OTULIN: variants seen among roughly 807,000 people sequenced by gnomAD.
The protein encoded by OTULIN is ubiquitin thioesterase otulin.
A neutral mutation model predicts 39.6 loss-of-function variants in OTULIN; 15 were observed. That is an observed-to-expected ratio of 0.38 (90% CI 0.25 to 0.58). The LOEUF (loss-of-function observed/expected upper bound fraction) is 0.58. OTULIN is among the 20% of genes least tolerant of loss of function. The pLI is 0.66. For synonymous variants in OTULIN, 156 were observed against 170.3 expected, an observed-to-expected ratio of 0.92 and a Z score of 0.65; for missense variants, 319 against 445.9, an observed-to-expected ratio of 0.72 and a Z score of 2.56.
In OTULIN at chr5:14,664,745, G is replaced by A; in HGVS notation, c.-81G>A. ...AAACCGCCCCGGCGGCTGAGAGGCTGCGGCCACTGCCTGGCACCCCGACGG... is the reference window on the plus strand; with the variant it reads ...AAACCGCCCCGGCGGCTGAGAGGCTACGGCCACTGCCTGGCACCCCGACGG... On this transcript the variant is annotated 5_prime_UTR_variant, in exon 1 of 7. Coordinates refer to ENST00000284274, the MANE Select transcript of OTULIN (RefSeq NM_138348.6). 1.8e-6 allele frequency: 2 copies of A among 1,084,952 alleles called. No homozygotes were observed. The highest frequency in any genetic ancestry group is 2.2e-6 in the Non-Finnish European group (2 of 892,684). The allele number at this position is 1,084,952 out of a possible 1,614,324, so 67.2% of individuals were successfully genotyped here.
At chr5:14,679,100 A>T (rs1736179916) in intron 3 of OTULIN, among the ~76,000 whole-genome samples, 1 of 152,192 alleles carries the variant, frequency 6.6e-6, no homozygotes, top group Admixed American at 6.5e-5. Flanking sequence ...GTGTTATAAA[A>T]TAAAAGCCTC....
rs1394293686 is a variant in OTULIN at position 14,697,217 on chromosome 5, G to T, written c.*4169G>T. The T allele has an allele frequency of 1.3e-5, 2 of 152,210 alleles. No individual in the cohort carries two copies. The highest frequency in any genetic ancestry group is 4.8e-5 in the African/African-American group (2 of 41,424). The allele number at this position is 152,210 out of a possible 1,614,324, so 9.4% of individuals were successfully genotyped here. On this transcript the variant is annotated 3_prime_UTR_variant, in exon 7 of 7. Transcript: ENST00000284274. ...TTTTGAGATGGGGTCTTGCTCTGTT[G>T]CCCAGGCTGGAGTGCAGTGGTGCGA...
At chr5:14,713,538 A>G in the OTULIN span, 4,490 of 1,614,066 alleles carry the variant, frequency 2.8e-3, 114 homozygotes, top group African/African-American at 0.053. The surrounding 1 kb of genome is among the most constrained non-coding windows in gnomAD (Gnocchi z 4.4). Flanking sequence ...CTCCCTGACA[A>G]CATACCCCAG....
rs541509494 is a variant in OTULIN, at chr5:14,696,875, T to A, written c.*3827T>A. On this transcript the variant is annotated 3_prime_UTR_variant, in exon 7 of 7. Transcript: ENST00000284274. ...TTGAACAGAACAGTGGTTTAGTGAATGTGTGAGGAAAGACATGGGCAACTG... is the reference window on the plus strand; with the variant it reads ...TTGAACAGAACAGTGGTTTAGTGAAAGTGTGAGGAAAGACATGGGCAACTG... 6.6e-6 allele frequency: 1 copy of A among 152,334 alleles called. No individual in the cohort carries two copies. Among genetic ancestry groups the A allele is most frequent in the South Asian group, 2.1e-4 (1 of 4,832 alleles). The allele number at this position is 152,334 out of a possible 1,614,324, so 9.4% of individuals were successfully genotyped here. A position where few individuals can be genotyped will look rare whatever the true frequency, so the allele number is the denominator to read the frequency against.
Position 14,682,281 on chromosome 5 carries a change from A to G in OTULIN, c.468+674A>G, listed in dbSNP as rs368722588. On this transcript the variant is annotated intron_variant, in intron 4 of 6. Transcript: ENST00000284274. ...GTCAGAGACAGCAATATACCCATAT[A>G]ACAAATCTGCACATGTACCTTCTGT... Among the ~76,000 whole-genome samples, 26 of 152,222 alleles carry G rather than the reference A, an allele frequency of 1.7e-4. 1 individual carries two copies. The East Asian group carries it at 2.1e-3, about 12-fold the overall frequency.
At chr5:14,672,373 A>T (rs1326531418) in intron 1 of OTULIN, among the ~76,000 whole-genome samples, 9 of 151,714 alleles carry the variant, frequency 5.9e-5, no homozygotes, top group Admixed American at 3.3e-4. Context: ...CCCTCCCAGT[A>T]CCCCTTCTTC....
rs2126808565 is a variant in OTULIN at position 14,664,778 on chromosome 5, T to C, written c.-48T>C. ...TGCCTGGCACCCCGACGGGAGGGGCTCCGGATCGTTCGGAGCCGGCTGAAC... is the reference window on the plus strand; with the variant it reads ...TGCCTGGCACCCCGACGGGAGGGGCCCCGGATCGTTCGGAGCCGGCTGAAC... On this transcript the variant is annotated 5_prime_UTR_variant, in exon 1 of 7. Transcript: ENST00000284274. The C allele has an allele frequency of 2.6e-6, 3 of 1,143,370 alleles. No individual in the cohort carries two copies. The highest frequency in any genetic ancestry group is 3.2e-6 in the Non-Finnish European group (3 of 929,880). The allele number at this position is 1,143,370 out of a possible 1,614,324, so 70.8% of individuals were successfully genotyped here.
chr5:14,714,882 C>T, the OTULIN span, among the ~76,000 whole-genome samples: 1 of 152,230 alleles, frequency 6.6e-6, no homozygotes, highest in African/African-American at 2.4e-5. Flanking sequence ...CTCCAGGCCC[C>T]TCCTCTGGTC....
chr5:14,678,745 A>C lies in OTULIN; in HGVS notation c.294A>C (p.Gly98=). 1 of 1,610,230 alleles carries C rather than the reference A, an allele frequency of 6.2e-7. No individual in the cohort carries two copies. Among genetic ancestry groups the C allele is most frequent in the Non-Finnish European group, 8.5e-7 (1 of 1,178,590 alleles). The change falls in exon 3 of 7, where the codon GGA becomes GGC. Residue 98 remains glycine, a synonymous_variant. Transcript: ENST00000284274. ...ACTACTGCAAAAAAGAATGGAGAGG[A>C]AATACACAGAAAGCAACGTGTATGA... The part of the protein sequence containing the change: ...IMDYCKKEWR[G]NTQKATCMKM...
Position 14,696,783 on chromosome 5 carries a change from CTG to C in OTULIN, c.*3737_*3738del, listed in dbSNP as rs1427993180. On this transcript the variant is annotated 3_prime_UTR_variant, in exon 7 of 7. Coordinates refer to ENST00000284274, the MANE Select transcript of OTULIN (RefSeq NM_138348.6). Reference sequence around the variant, plus strand: ...CAGAAGTATGTATTTTAATGCTTAACTGTCTCGGGAAACCTCATTTGTGACAT... The same window carrying C: ...CAGAAGTATGTATTTTAATGCTTAACTCTCGGGAAACCTCATTTGTGACAT... 1 of 151,714 alleles carries C rather than the reference CTG, an allele frequency of 6.6e-6. No individual in the cohort carries two copies. The highest frequency in any genetic ancestry group is 1.5e-5 in the Non-Finnish European group (1 of 68,036). The allele number at this position is 151,714 out of a possible 1,614,324, so 9.4% of individuals were successfully genotyped here.
chr5:14,703,761 C>T (rs552340929), downstream of OTULIN, among the ~76,000 whole-genome samples: 75 of 152,264 alleles, frequency 4.9e-4, no homozygotes, highest in South Asian at 0.013. Flanking sequence ...TGGCATAGCC[C>T]ATGCACTGTG....
chr5:14,692,127 T>C (rs529232559), intron 6 of OTULIN, among the ~76,000 whole-genome samples: 1 of 152,320 alleles, frequency 6.6e-6, no homozygotes, highest in Admixed American at 6.5e-5. Context: ...TGGAATTGCT[T>C]TAACATTTTG....
chr5:14,705,009 A>T, the OTULIN span: 3 of 152,218 alleles, frequency 2.0e-5, no homozygotes, highest in Non-Finnish European at 4.4e-5. Flanking sequence ...GTCAATTTTA[A>T]TCAAAAACTA....
Position 14,693,242 on chromosome 5 carries a change from A to G in OTULIN, c.*194A>G, listed in dbSNP as rs936191469. 7 of 550,874 alleles carry G rather than the reference A, an allele frequency of 1.3e-5. No homozygotes were observed. The highest frequency in any genetic ancestry group is 3.8e-5 in the African/African-American group (2 of 53,148). 34.1% of individuals were successfully genotyped at this position (550,874 alleles called of 1,614,324 possible). A position where few individuals can be genotyped will look rare whatever the true frequency, so the allele number is the denominator to read the frequency against. On this transcript the variant is annotated 3_prime_UTR_variant, in exon 7 of 7. Coordinates refer to ENST00000284274, the MANE Select transcript of OTULIN (RefSeq NM_138348.6). ...ATTAACCAAGTCTTTCCCCTCATCT[A>G]TGATGCAATATATTTCAGTGGGGGC...
rs1470651018 is a variant in OTULIN at position 14,699,535 on chromosome 5, A to T, written c.*6487A>T. 1 of 152,216 alleles carries T rather than the reference A, an allele frequency of 6.6e-6. No individual in the cohort carries two copies. Among genetic ancestry groups the T allele is most frequent in the Non-Finnish European group, 1.5e-5 (1 of 68,040 alleles). The allele number at this position is 152,216 out of a possible 1,614,324, so 9.4% of individuals were successfully genotyped here. On this transcript the variant is annotated 3_prime_UTR_variant, in exon 7 of 7. Coordinates refer to ENST00000284274, the MANE Select transcript of OTULIN (RefSeq NM_138348.6). ...TACACTTTTTCAGTGTCAGAAATGC[A>T]CTTTCTCCCTCTACTTGTCTGAATT...
At chr5:14,688,291 C>T (rs974363816) in intron 5 of OTULIN, among the ~76,000 whole-genome samples, 1 of 152,092 alleles carries the variant, frequency 6.6e-6, no homozygotes, top group African/African-American at 2.4e-5. Flanking sequence ...GAGCCCTTCT[C>T]ACCAAGAACC....
At chr5:14,673,853 T>C (rs1288756788) in intron 2 of OTULIN, 135 bp downstream of exon 2, 1 of 641,342 alleles carries the variant, frequency 1.6e-6, no homozygotes, top group Non-Finnish European at 2.5e-6. Flanking sequence ...TTGATTGTTT[T>C]GCTGAAGTAT....
downstream of OTULIN, among the ~76,000 whole-genome samples, chr5:14,703,204 C>T (rs1736832741): frequency 6.6e-6 from 1 of 151,886 alleles, no homozygotes; most frequent in African/African-American, 2.4e-5. Context: ...ACTGGGCAGT[C>T]AGCATGGTAT....
At position 14,695,824 on chromosome 5, in the gene OTULIN, G is replaced by A. The variant is rs999055303; in HGVS notation, c.*2776G>A. 1 of 152,158 alleles carries A rather than the reference G, an allele frequency of 6.6e-6. No individual in the cohort carries two copies. The highest frequency in any genetic ancestry group is 1.5e-5 in the Non-Finnish European group (1 of 68,016). 9.4% of individuals were successfully genotyped at this position (152,158 alleles called of 1,614,324 possible). A position where few individuals can be genotyped will look rare whatever the true frequency, so the allele number is the denominator to read the frequency against. On this transcript the variant is annotated 3_prime_UTR_variant, in exon 7 of 7. Coordinates refer to ENST00000284274, the MANE Select transcript of OTULIN (RefSeq NM_138348.6). ...CTGGATTTGATTGAAAGTGTTTGCA[G>A]TTCCTCTTCCGTAGAATACAGAGTG...
Sources: allele counts gnomAD v4.1 joint callset (sites outside exome capture counted in the v4.1 genomes callset), GRCh38; gene constraint gnomAD v4.1.1; non-coding constraint Gnocchi (gnomAD v3.1); transcripts MANE v1.5; gene names NCBI Gene and HGNC (gene_info 2026-07-23, HGNC 2026-07-21).